Variants in HUNK observed in about 807,000 individuals in gnomAD.
HUNK encodes hormonally up-regulated neu tumor-associated kinase.
A neutral mutation model predicts 61.0 loss-of-function variants in HUNK; 21 were observed. That is an observed-to-expected ratio of 0.34 (90% CI 0.24 to 0.50). The LOEUF (loss-of-function observed/expected upper bound fraction) is 0.50, where lower values mean the gene tolerates loss of function less well. Ranked by LOEUF, HUNK falls within the 20% of genes least tolerant of loss-of-function variation. The pLI is 0.98. For synonymous variants in HUNK, 371 were observed against 386.1 expected (o/e 0.96, Z 0.46); for missense variants, 772 against 945.7 (o/e 0.82, Z 2.41).
chr21:31,921,686 G>A (rs62221632), intron 1 of HUNK, among the ~76,000 whole-genome samples: 2,881 of 152,280 alleles, frequency 0.019, 41 homozygotes, highest in Middle Eastern at 0.044. Flanking sequence ...AAGAGGCCAG[G>A]AGGAGCCTCA....
At chr21:31,935,829 A>C (rs947347616) in intron 2 of HUNK, among the ~76,000 whole-genome samples, 2 of 151,244 alleles carry the variant, frequency 1.3e-5, no homozygotes, top group East Asian at 3.9e-4. Flanking sequence ...TTTCTTTTTT[A>C]TTTTTTGAGA....
chr21:31,879,293 G>C (rs2052288778), intron 1 of HUNK, among the ~76,000 whole-genome samples: 1 of 152,176 alleles, frequency 6.6e-6, no homozygotes, highest in African/African-American at 2.4e-5. Flanking sequence ...CCTTGGCAGG[G>C]ACTTCTTGGC....
chr21:31,925,650 G>A (rs2052654608), intron 2 of HUNK, among the ~76,000 whole-genome samples: 2 of 152,310 alleles, frequency 1.3e-5, no homozygotes, highest in African/African-American at 4.8e-5. Context: ...CTTGCAAATA[G>A]TTAGGAAAAT....
chr21:31,978,727 A>G (rs1053158471), intron 7 of HUNK, among the ~76,000 whole-genome samples: 3 of 152,124 alleles, frequency 2.0e-5, no homozygotes, highest in Non-Finnish European at 4.4e-5. Context: ...TTATTCATTC[A>G]TCCGTTGATG....
intron 2 of HUNK, among the ~76,000 whole-genome samples, chr21:31,934,617 C>CA (rs2052720208): frequency 6.6e-6 from 1 of 152,132 alleles, no homozygotes; most frequent in Non-Finnish European, 1.5e-5. Context: ...AGGTACTGTG[C>CA]ATAGTACCCA....
chr21:31,906,261 T>G lies in HUNK; in HGVS notation c.262-18207T>G, dbSNP rs183486849. The stretch of plus-strand genomic sequence containing the variant: ...AGTCGGAGGCATACCGAGGTTAAGT[T>G]TTTTGCCTAGGATTTCTCAGTGCTG... On this transcript the variant is annotated intron_variant, in intron 1 of 10. Transcript: ENST00000270112. Among the ~76,000 whole-genome samples the G allele has an allele frequency of 2.8e-4, 43 of 152,274 alleles. No homozygotes were observed. The East Asian group carries it at 7.0e-3, about 25-fold the overall frequency.
At chr21:31,971,081 A>ATTTATTTATTTATTTATTTATTTATTTAT (rs11423136) in intron 6 of HUNK, among the ~76,000 whole-genome samples, 2 of 151,772 alleles carry the variant, frequency 1.3e-5, no homozygotes, top group African/African-American at 4.8e-5. Context: ...TTATTTATTT[A>ATTTATTTATTTATTTATTTATTTATTTAT]TTATTTATTT....
In HUNK at chr21:31,980,946, C is replaced by T. The variant is rs139702948; in HGVS notation, c.1174-2580C>T. Reference sequence around the variant, plus strand: ...CTTGAACTCCCAACCTCAGGTGATCCACCTGCCTTGGCCTCCCAAAGTGCT... The same window carrying T: ...CTTGAACTCCCAACCTCAGGTGATCTACCTGCCTTGGCCTCCCAAAGTGCT... On this transcript the variant is annotated intron_variant, in intron 7 of 10. Coordinates refer to ENST00000270112, the MANE Select transcript of HUNK (RefSeq NM_014586.2). 3.5e-3 allele frequency among the ~76,000 whole-genome samples: 525 copies of T among 151,354 alleles called. 2 individuals carry two copies. The highest frequency in any genetic ancestry group is 0.012 in the African/African-American group (486 of 41,186).
In HUNK at chr21:31,998,763, C is replaced by T; in HGVS notation, c.1724C>T (p.Ser575Phe). 1 of 1,614,182 alleles carries T rather than the reference C, an allele frequency of 6.2e-7. No homozygotes were observed. Among genetic ancestry groups the T allele is most frequent in the Non-Finnish European group, 8.5e-7 (1 of 1,180,030 alleles). The change falls in exon 11 of 11, where the codon TCT (serine) becomes TTT (phenylalanine). Residue 575 changes from serine (S) to phenylalanine (F), a missense_variant. Coordinates refer to ENST00000270112, the MANE Select transcript of HUNK (RefSeq NM_014586.2). ...CGCGACGACCACGTAGAAGTGCTGT[C>T]TCCCTCTCATCACTACAGGATTCTG... ...VDRDDHVEVLSPSHHYRILNS... is the reference protein window; with the variant it reads ...VDRDDHVEVLFPSHHYRILNS...
At chr21:31,938,412 G>T (rs1432471680) in intron 2 of HUNK, among the ~76,000 whole-genome samples, 1 of 152,318 alleles carries the variant, frequency 6.6e-6, no homozygotes, top group Non-Finnish European at 1.5e-5. Context: ...TAAAAATTGA[G>T]ATCAAATCCA....
rs1359610057 is a variant in HUNK at position 32,000,464 on chromosome 21, T to C, written c.*1280T>C. Reference sequence around the variant, plus strand: ...GTGTGTTTTGTGGACAGCCGTGTTGTCTGACTGTATCCAGCTGGCACTTGA... The same window carrying C: ...GTGTGTTTTGTGGACAGCCGTGTTGCCTGACTGTATCCAGCTGGCACTTGA... On this transcript the variant is annotated 3_prime_UTR_variant, in exon 11 of 11. Coordinates refer to ENST00000270112, the MANE Select transcript of HUNK (RefSeq NM_014586.2). 1.3e-5 allele frequency: 5 copies of C among 399,078 alleles called. No homozygotes were observed. Among genetic ancestry groups the C allele is most frequent in the African/African-American group, 1.0e-4 (5 of 48,644 alleles). The allele number at this position is 399,078 out of a possible 1,614,324, so 24.7% of individuals were successfully genotyped here.
At position 31,936,980 on chromosome 21, in the gene HUNK, G is replaced by A. The variant is rs144253461; in HGVS notation, c.555-3185G>A. 3.3e-5 allele frequency among the ~76,000 whole-genome samples: 5 copies of A among 152,230 alleles called. No homozygotes were observed. In the East Asian group the frequency reaches 5.8e-4, roughly 18 times the overall value. ...TCCCAGGCAAAGAGGGCTTAACTTC[G>A]TTTGAAACAAACTGTGGCCTTCCTT... On this transcript the variant is annotated intron_variant, in intron 2 of 10. Coordinates refer to ENST00000270112, the MANE Select transcript of HUNK (RefSeq NM_014586.2).
rs775390249 is a variant in HUNK at position 31,999,026 on chromosome 21, T to C, written c.1987T>C (p.Phe663Leu). The C allele has an allele frequency of 1.2e-6, 2 of 1,614,032 alleles. No homozygotes were observed. The highest frequency in any genetic ancestry group is 2.7e-5 in the African/African-American group (2 of 74,924). ...SPNCVKSRGR[F>L]PMMGIGQMLR... ...CAATTGTGTGAAAAGCCGAGGCCGG[T>C]TCCCTATGATGGGCATCGGACAGAT... The change falls in exon 11 of 11, where the codon TTC becomes CTC. Residue 663 changes from phenylalanine to leucine, a missense_variant. This residue lies in a region of HUNK where 413 missense variants were observed against 444.4 expected (regional missense o/e 0.93). Transcript: ENST00000270112.
chr21:31,879,872 T>C (rs1601355530), intron 1 of HUNK, among the ~76,000 whole-genome samples: 1 of 152,218 alleles, frequency 6.6e-6, no homozygotes, highest in Non-Finnish European at 1.5e-5. Context: ...ACCTGCTCTC[T>C]TGGCTAATTG....
intron 1 of HUNK, among the ~76,000 whole-genome samples, chr21:31,900,216 A>G (rs896634684): frequency 1.3e-5 from 2 of 151,474 alleles, no homozygotes; most frequent in African/African-American, 4.9e-5. Flanking sequence ...GAGTCCACAA[A>G]CTCTCCAGGC....
At chr21:31,939,766 A>G (rs2123827267) in intron 2 of HUNK, among the ~76,000 whole-genome samples, 1 of 143,900 alleles carries the variant, frequency 6.9e-6, no homozygotes, top group African/African-American at 2.6e-5. Context: ...GATGTTGCTC[A>G]TAGTGTCACC....
intron 1 of HUNK, among the ~76,000 whole-genome samples, chr21:31,893,001 C>T (rs1601362916): frequency 6.6e-6 from 1 of 152,146 alleles, no homozygotes; most frequent in Non-Finnish European, 1.5e-5. Context: ...ACTTTTTGCT[C>T]TTTCTGGATG....
chr21:31,928,295 A>G (rs2052674784), intron 2 of HUNK, among the ~76,000 whole-genome samples: 1 of 152,184 alleles, frequency 6.6e-6, no homozygotes, highest in South Asian at 2.1e-4. Flanking sequence ...GGATCGCGAG[A>G]ACAACAAAGA....
chr21:31,911,771 T>C (rs548693995), intron 1 of HUNK, among the ~76,000 whole-genome samples: 1 of 152,160 alleles, frequency 6.6e-6, no homozygotes, highest in Non-Finnish European at 1.5e-5. Context: ...TGGTGAAGAA[T>C]GAGGGTCCTT....
Sources: gnomAD v4.1 joint callset for allele counts (sites outside exome capture counted in the v4.1 genomes callset) on GRCh38, gnomAD v4.1.1 for gene constraint, gnomAD v4.1.1 regional missense constraint, MANE v1.5 for transcripts, NCBI Gene and HGNC (gene_info 2026-07-23, HGNC 2026-07-21) for gene names.